Variants in HS6ST3 observed in about 807,000 individuals in gnomAD.
HS6ST3 encodes heparan-sulfate 6-O-sulfotransferase 3.
Under a neutral mutation model 36.7 loss-of-function variants are expected in HS6ST3, and 12 were observed. The observed-to-expected ratio is 0.33, with a 90% CI of 0.21 to 0.53. The LOEUF is 0.53. HS6ST3 is among the 20% of genes least tolerant of loss of function. The pLI is 0.95. For missense variants in HS6ST3, 584 were observed against 640.9 expected (o/e 0.91, Z 0.96); for synonymous variants, 240 against 257.5 (o/e 0.93, Z 0.65).
intron 1 of HS6ST3, among the ~76,000 whole-genome samples, chr13:96,759,058 A>G (rs1264788744): frequency 6.6e-6 from 1 of 151,824 alleles, no homozygotes; most frequent in Non-Finnish European, 1.5e-5. Context: ...TTTTATTATA[A>G]CATGACTCTA....
At chr13:96,398,476 T>C (rs2055433376) in intron 1 of HS6ST3, among the ~76,000 whole-genome samples, 1 of 151,950 alleles carries the variant, frequency 6.6e-6, no homozygotes. Flanking sequence ...AGAGATGGGG[T>C]TTTGCCATGT....
chr13:96,210,020 T>C (rs1415972603), intron 1 of HS6ST3, among the ~76,000 whole-genome samples: 1 of 152,212 alleles, frequency 6.6e-6, no homozygotes, highest in Non-Finnish European at 1.5e-5. Context: ...TTTACTGCTA[T>C]AGAACAGAGT....
chr13:96,264,169 C>T (rs1374929734), intron 1 of HS6ST3, among the ~76,000 whole-genome samples: 1 of 152,086 alleles, frequency 6.6e-6, no homozygotes. Context: ...TCAGATAATG[C>T]AGTTTCTTAT....
rs531181700 is a variant in HS6ST3 at position 96,777,557 on chromosome 13, G to A, written c.708-54933G>A. Among the ~76,000 whole-genome samples the A allele has an allele frequency of 2.6e-3, 402 of 152,182 alleles. 1 individual carries two copies. The highest frequency in any genetic ancestry group is 4.2e-3 in the Admixed American group (64 of 15,274). ...TAACGAACAGAGAGCCAAATCATGA[G>A]TGAACTCCCATTCACAATTGCTACA... On this transcript the variant is annotated intron_variant, in intron 1 of 1. Coordinates refer to ENST00000376705, the MANE Select transcript of HS6ST3 (RefSeq NM_153456.4).
chr13:96,609,930 T>C (rs2056451912), intron 1 of HS6ST3, among the ~76,000 whole-genome samples: 1 of 152,218 alleles, frequency 6.6e-6, no homozygotes, highest in African/African-American at 2.4e-5. Flanking sequence ...CTAACTTCCT[T>C]TCTCTTTTAC....
chr13:96,544,961 A>G (rs2056192320), intron 1 of HS6ST3, among the ~76,000 whole-genome samples: 1 of 152,218 alleles, frequency 6.6e-6, no homozygotes, highest in South Asian at 2.1e-4. Flanking sequence ...TTATGCAAAT[A>G]AAGAAGCTCC....
rs1226083136 is a variant in HS6ST3 at position 96,380,281 on chromosome 13, T to TC, written c.707+288713dup. On this transcript the variant is annotated intron_variant, in intron 1 of 1. Transcript: ENST00000376705. ...AGTTAGCACTTTTTTTTTTTTTTTTTCGAGATGGAGTCTAGCTCTTATTGC... is the reference window on the plus strand; with the variant it reads ...AGTTAGCACTTTTTTTTTTTTTTTTTCCGAGATGGAGTCTAGCTCTTATTGC... Among the ~76,000 whole-genome samples the TC allele has an allele frequency of 3.6e-3, 444 of 123,312 alleles. 5 individuals carry two copies. The highest frequency in any genetic ancestry group is 0.013 in the African/African-American group (428 of 33,504). 80.9% of individuals were successfully genotyped at this position (123,312 alleles called of 152,430 possible).
intron 1 of HS6ST3, among the ~76,000 whole-genome samples, chr13:96,623,009 G>A (rs1426461316): frequency 6.6e-6 from 1 of 152,082 alleles, no homozygotes; most frequent in Non-Finnish European, 1.5e-5. Flanking sequence ...AGTATGTGTA[G>A]TTTTTATTCT....
At chr13:96,331,470 G>T (rs1346140404) in intron 1 of HS6ST3, among the ~76,000 whole-genome samples, 3 of 152,222 alleles carry the variant, frequency 2.0e-5, no homozygotes, top group Admixed American at 6.5e-5. Context: ...CTGCCGGGGG[G>T]ATGCCTCCCA....
At chr13:96,786,339 T>A (rs1877648796) in intron 1 of HS6ST3, among the ~76,000 whole-genome samples, 2 of 152,172 alleles carry the variant, frequency 1.3e-5, no homozygotes, top group Non-Finnish European at 2.9e-5. Context: ...GCACTTACCA[T>A]GGTCTATAAT....
At chr13:96,321,336 G>A (rs1211798409) in intron 1 of HS6ST3, among the ~76,000 whole-genome samples, 2 of 151,994 alleles carry the variant, frequency 1.3e-5, no homozygotes, top group African/African-American at 4.8e-5. Context: ...GTAATTTCTG[G>A]TGATCTCATG....
chr13:96,562,129 G>T (rs2056264569), intron 1 of HS6ST3, among the ~76,000 whole-genome samples: 1 of 152,106 alleles, frequency 6.6e-6, no homozygotes, highest in Non-Finnish European at 1.5e-5. Flanking sequence ...AATCAACTGA[G>T]GTACCCCTCA....
intron 1 of HS6ST3, among the ~76,000 whole-genome samples, chr13:96,312,797 C>T (rs1463477434): frequency 6.6e-6 from 1 of 151,376 alleles, no homozygotes; most frequent in Non-Finnish European, 1.5e-5. Context: ...ACTAAATATA[C>T]AAAAATTAAC....
intron 1 of HS6ST3, among the ~76,000 whole-genome samples, chr13:96,692,916 G>A (rs557783036): frequency 1.3e-5 from 2 of 152,182 alleles, no homozygotes; most frequent in South Asian, 4.1e-4. Context: ...GAGGGACATT[G>A]TACAGTCTAT....
At chr13:96,368,109 G>C (rs988088924) in intron 1 of HS6ST3, among the ~76,000 whole-genome samples, 8 of 152,118 alleles carry the variant, frequency 5.3e-5, no homozygotes, top group African/African-American at 1.9e-4. Flanking sequence ...AGCATTGCTG[G>C]GAACGCCTTT....
At position 96,370,512 on chromosome 13, in the gene HS6ST3, C is replaced by T. The variant is rs1000343750; in HGVS notation, c.707+278943C>T. On this transcript the variant is annotated intron_variant, in intron 1 of 1. Transcript: ENST00000376705. ...TCTAGCTTAAGAACTAGAGTGTTAC[C>T]GTCACTATTGAACTTCCTGATATGT... is the stretch of plus-strand genomic sequence containing the variant. Among the ~76,000 whole-genome samples the T allele has an allele frequency of 4.6e-5, 7 of 152,084 alleles. No individual in the cohort carries two copies. In the East Asian group the frequency reaches 9.6e-4, roughly 21 times the overall value.
At chr13:96,598,040 T>C (rs933133009) in intron 1 of HS6ST3, among the ~76,000 whole-genome samples, 1 of 152,158 alleles carries the variant, frequency 6.6e-6, no homozygotes, top group Non-Finnish European at 1.5e-5. Context: ...TGTGTCTGCT[T>C]TTATACCAGT....
At chr13:96,122,110 GTATTATTAT>G (rs55776008) in intron 1 of HS6ST3, among the ~76,000 whole-genome samples, 1 of 145,180 alleles carries the variant, frequency 6.9e-6, no homozygotes, top group Non-Finnish European at 1.5e-5. Flanking sequence ...ACCCTTTCAG[GTATTATTAT>G]TATTATTATT....
chr13:96,104,596 C>T (rs901718593), intron 1 of HS6ST3, among the ~76,000 whole-genome samples: 1 of 152,232 alleles, frequency 6.6e-6, no homozygotes, highest in African/African-American at 2.4e-5. Context: ...ACACCCCTAA[C>T]TACTTGCTTT....
Sources: gnomAD v4.1 joint callset for allele counts (sites outside exome capture counted in the v4.1 genomes callset) on GRCh38, gnomAD v4.1.1 for gene constraint, MANE v1.5 for transcripts, NCBI Gene and HGNC (gene_info 2026-07-23, HGNC 2026-07-21) for gene names.